Variants in FOCAD observed in about 807,000 individuals in gnomAD.
FOCAD encodes the protein KIAA1797.
In FOCAD, 198 loss-of-function variants were observed where a neutral mutation model predicts 225.6. The observed-to-expected ratio is 0.88, with a 90% CI of 0.78 to 0.99. The LOEUF is 0.99. Ranked by LOEUF, FOCAD falls within the 50% of genes least tolerant of loss-of-function variation. FOCAD has a pLI of 0.00. For synonymous variants in FOCAD, 897 were observed against 755.0 expected, an observed-to-expected ratio of 1.19 and a Z score of -3.08; for missense variants, 2,713 against 2,123.6, an observed-to-expected ratio of 1.28 and a Z score of -5.46.
chr9:20,813,103 G>A (rs1275259328), intron 11 of FOCAD, among the ~76,000 whole-genome samples: 1 of 152,058 alleles, frequency 6.6e-6, no homozygotes, highest in East Asian at 1.9e-4. Flanking sequence ...CTTCATATAA[G>A]TGGAATAATG....
At chr9:20,868,389 A>C (rs1587452620) in intron 18 of FOCAD, among the ~76,000 whole-genome samples, 1 of 152,218 alleles carries the variant, frequency 6.6e-6, no homozygotes, top group East Asian at 1.9e-4. Context: ...CATACTCTTG[A>C]CATTTAGTCT....
At chr9:20,980,718 A>G (rs572857331) in intron 37 of FOCAD, among the ~76,000 whole-genome samples, 60 of 152,264 alleles carry the variant, frequency 3.9e-4, no homozygotes, top group African/African-American at 1.4e-3. Context: ...TACTTTTTAG[A>G]TCACTTATTT....
At chr9:20,812,558 C>G (rs969360067) in intron 11 of FOCAD, among the ~76,000 whole-genome samples, 1 of 151,986 alleles carries the variant, frequency 6.6e-6, no homozygotes, top group African/African-American at 2.4e-5. Context: ...CTTGATTTCA[C>G]TGAGATGCTG....
At chr9:20,661,000 A>C (rs1821701426) in intron 2 of FOCAD, among the ~76,000 whole-genome samples, 1 of 152,192 alleles carries the variant, frequency 6.6e-6, no homozygotes, top group African/African-American at 2.4e-5. Flanking sequence ...AGGAGTCAGC[A>C]GAAGAGGGGA....
intron 15 of FOCAD, among the ~76,000 whole-genome samples, chr9:20,850,969 C>G (rs1353403325): frequency 1.3e-5 from 2 of 150,902 alleles, no homozygotes; most frequent in Non-Finnish European, 3.0e-5. Flanking sequence ...CTGACCTCCT[C>G]CTGCAAAGCG....
At chr9:20,832,118 A>G (rs951012264) in intron 15 of FOCAD, among the ~76,000 whole-genome samples, 4 of 152,048 alleles carry the variant, frequency 2.6e-5, no homozygotes, top group East Asian at 3.9e-4. Flanking sequence ...TTTTTTGGCT[A>G]TAATGAATAA....
chr9:20,866,682 C>CT (rs1032473013), intron 17 of FOCAD, among the ~76,000 whole-genome samples: 14 of 151,460 alleles, frequency 9.2e-5, no homozygotes, highest in East Asian at 3.9e-4. Context: ...GACCCTTTCA[C>CT]TTTTTTTTGC....
In FOCAD at chr9:20,920,059, C is replaced by G. The variant is rs538347090; in HGVS notation, c.2852+3122C>G. Among the ~76,000 whole-genome samples the G allele has an allele frequency of 7.5e-3, 1,133 of 151,322 alleles. 8 individuals are homozygous for G. The highest frequency in any genetic ancestry group is 0.065 in the Middle Eastern group (19 of 292). ...AATGGGAGAAAATTTTCTCAACCTA[C>G]TCATCTGACAAAGGGCTAATATCCA... is the stretch of plus-strand genomic sequence containing the variant. On this transcript the variant is annotated intron_variant, in intron 24 of 43. Transcript: ENST00000338382.
In FOCAD at chr9:20,986,356, C is replaced by T. The variant is rs1458728028; in HGVS notation, c.4797C>T (p.Asn1599=). Residue 1599 remains asparagine (N), a synonymous_variant, in exon 40 of 44, where the codon AAC becomes AAT. Transcript: ENST00000338382. ...CTCAAGGACGATTCCCCTTGGTGAA[C>T]CTGACCGATATGCTGAGCGTTGCTG... ...LVSQGRFPLV[N]LTDMLSVAVQ... is the part of the protein sequence containing the mutation. The T allele has an allele frequency of 1.9e-6, 3 of 1,568,900 alleles. No homozygotes were observed. The East Asian group carries it at 7.4e-5, about 39-fold the overall frequency.
At chr9:20,907,452 A>G (rs1031185695) in intron 22 of FOCAD, among the ~76,000 whole-genome samples, 1 of 152,024 alleles carries the variant, frequency 6.6e-6, no homozygotes, top group Non-Finnish European at 1.5e-5. Context: ...TGTCCCATCC[A>G]GAACTCCCTC....
At chr9:20,949,278 G>A (rs1243515180) in intron 32 of FOCAD, among the ~76,000 whole-genome samples, 2 of 151,718 alleles carry the variant, frequency 1.3e-5, no homozygotes, top group South Asian at 4.1e-4. Flanking sequence ...ATGTCTATGT[G>A]GTTGTTCTTT....
chr9:20,752,938 A>G (rs1036716866), intron 5 of FOCAD, among the ~76,000 whole-genome samples: 1 of 148,850 alleles, frequency 6.7e-6, no homozygotes, highest in South Asian at 2.2e-4. Flanking sequence ...ATGGGAGTTC[A>G]CTCATGATTT....
chr9:20,865,702 A>G (rs1040074899), intron 16 of FOCAD, among the ~76,000 whole-genome samples: 8 of 152,102 alleles, frequency 5.3e-5, no homozygotes, highest in African/African-American at 1.9e-4. Context: ...TCTAAATTTC[A>G]TTATCTTAAA....
Position 20,720,808 on chromosome 9 carries a change from T to C in FOCAD, c.287+274T>C, listed in dbSNP as rs185215975. 1.2e-3 allele frequency among the ~76,000 whole-genome samples: 190 copies of C among 152,332 alleles called. 1 individual carries two copies. The highest frequency in any genetic ancestry group is 3.5e-3 in the Admixed American group (54 of 15,302). On this transcript the variant is annotated intron_variant, in intron 4 of 43. Transcript: ENST00000338382. ...AAGAAAATAGCTAAACAGTTTATAA[T>C]TCAAAAATGTAATGCAGATTCCTGA...
intron 37 of FOCAD, among the ~76,000 whole-genome samples, chr9:20,980,832 A>G (rs955699289): frequency 6.6e-6 from 1 of 152,200 alleles, no homozygotes; most frequent in East Asian, 1.9e-4. Context: ...GAAGTCTGTC[A>G]TATAACAGAG....
chr9:20,800,211 A>C (rs1262021875), intron 11 of FOCAD, among the ~76,000 whole-genome samples: 1 of 152,158 alleles, frequency 6.6e-6, no homozygotes, highest in South Asian at 2.1e-4. Flanking sequence ...TTCTGCTGAG[A>C]GATCAGCTGT....
At chr9:20,917,733 G>A (rs1833993244) in intron 24 of FOCAD, among the ~76,000 whole-genome samples, 1 of 152,066 alleles carries the variant, frequency 6.6e-6, no homozygotes, top group Non-Finnish European at 1.5e-5. Context: ...ATTTTTAATT[G>A]TAGTATAGTT....
chr9:20,929,668 C>T lies in FOCAD; in HGVS notation c.3317+72C>T, dbSNP rs1420954785. 4.9e-6 allele frequency: 6 copies of T among 1,231,508 alleles called. No individual in the cohort carries two copies. The South Asian group carries it at 5.1e-5, about 10-fold the overall frequency. The allele number at this position is 1,231,508 out of a possible 1,614,324, so 76.3% of individuals were successfully genotyped here. On this transcript the variant is annotated intron_variant, in intron 27 of 43. Transcript: ENST00000338382. ...GCAAAGGATTTTGCACCCATATGCA[C>T]CTATATATAAACATTGTATCTGAGC...
chr9:20,705,929 T>G (rs1331484355), intron 1 of FOCAD, among the ~76,000 whole-genome samples: 3 of 53,752 alleles, frequency 5.6e-5, no homozygotes, highest in South Asian at 1.5e-3. Context: ...TTTAAGTTTT[T>G]TTTTTTTTTT....
Sources: gnomAD v4.1 joint callset for allele counts (sites outside exome capture counted in the v4.1 genomes callset) on GRCh38, gnomAD v4.1.1 for gene constraint, MANE v1.5 for transcripts, NCBI Gene and HGNC (gene_info 2026-07-23, HGNC 2026-07-21) for gene names.